The following PIK3C2G variants were observed in gnomAD, a reference collection of about 807,000 sequenced individuals.
The protein encoded by PIK3C2G is phosphatidylinositol 3-kinase C2 domain-containing subunit gamma.
PIK3C2G carries 168 observed loss-of-function variants against 181.1 expected under a neutral mutation model. The observed-to-expected ratio is 0.93, with a 90% CI of 0.82 to 1.05. The LOEUF (loss-of-function observed/expected upper bound fraction) is 1.05. Ranked by LOEUF, PIK3C2G falls within the 50% of genes least tolerant of loss-of-function variation. The pLI is 0.00. For synonymous variants in PIK3C2G, 573 were observed against 592.2 expected, an observed-to-expected ratio of 0.97 and a Z score of 0.47; for missense variants, 1,869 against 1,732.8, an observed-to-expected ratio of 1.08 and a Z score of -1.40.
chr12:18,558,908 T>C (rs1945149868), intron 26 of PIK3C2G, among the ~76,000 whole-genome samples: 1 of 152,340 alleles, frequency 6.6e-6, no homozygotes, highest in African/African-American at 2.4e-5. Flanking sequence ...ATACAAACTC[T>C]AAAAGGGCGA....
rs879572087 is a variant in PIK3C2G at position 18,361,973 on chromosome 12, C to CT, written c.1626-780dup. On this transcript the variant is annotated intron_variant, in intron 11 of 32. Transcript: ENST00000538779. ...TCTGGAACAATAAGAAGCCACCCAA[C>CT]TTTTTTTTTTTGTTCTCAACAGTCT... 9.7e-3 allele frequency among the ~76,000 whole-genome samples: 1,416 copies of CT among 146,540 alleles called. 17 individuals carry two copies. The highest frequency in any genetic ancestry group is 0.033 in the African/African-American group (1,318 of 40,198).
At chr12:18,272,925 C>A (rs936106046) in intron 1 of PIK3C2G, among the ~76,000 whole-genome samples, 1 of 151,932 alleles carries the variant, frequency 6.6e-6, no homozygotes, top group African/African-American at 2.4e-5. Context: ...GAGGAATGCT[C>A]ATTGTACTGA....
intron 31 of PIK3C2G, among the ~76,000 whole-genome samples, chr12:18,629,353 G>A (rs990074711): frequency 1.3e-5 from 2 of 152,160 alleles, no homozygotes; most frequent in Non-Finnish European, 2.9e-5. Flanking sequence ...GTCATCATCA[G>A]CTCCTAGGAG....
At chr12:18,260,028 G>A (rs1236557943), upstream of PIK3C2G, among the ~76,000 whole-genome samples, 1 of 152,048 alleles carries the variant, frequency 6.6e-6, no homozygotes, top group Non-Finnish European at 1.5e-5. Context: ...TATTTTCAAA[G>A]GAAACAAAGT....
At chr12:18,560,428 C>A (rs773482245) in intron 26 of PIK3C2G, among the ~76,000 whole-genome samples, 1 of 151,744 alleles carries the variant, frequency 6.6e-6, no homozygotes, top group Non-Finnish European at 1.5e-5. Flanking sequence ...TGTGAAGGAA[C>A]AACATAGACC....
intron 26 of PIK3C2G, among the ~76,000 whole-genome samples, chr12:18,548,631 C>T (rs1220534099): frequency 2.0e-5 from 3 of 152,006 alleles, no homozygotes; most frequent in Non-Finnish European, 2.9e-5. Flanking sequence ...GGCAGTGAGG[C>T]GGACCTTGTG....
Position 18,371,151 on chromosome 12 carries a change from G to A in PIK3C2G, c.1749-29G>A, listed in dbSNP as rs755510016. 28 of 1,570,896 alleles carry A rather than the reference G, an allele frequency of 1.8e-5. No homozygotes were observed. In the South Asian group the frequency reaches 3.1e-4, roughly 18 times the overall value. ...TTAAAATATCAGTACAATTGGGTAG[G>A]TAATGCTTCTTCTTTCTTTTATTCT... On this transcript the variant is annotated intron_variant, in intron 12 of 32. Coordinates refer to ENST00000538779, the MANE Select transcript of PIK3C2G (RefSeq NM_001288772.2).
At chr12:18,547,100 T>C (rs1388097347) in intron 26 of PIK3C2G, among the ~76,000 whole-genome samples, 1 of 152,062 alleles carries the variant, frequency 6.6e-6, no homozygotes, top group Non-Finnish European at 1.5e-5. Flanking sequence ...ATTCTTTCTT[T>C]CCTGTAACCT....
intron 3 of PIK3C2G, among the ~76,000 whole-genome samples, chr12:18,287,582 G>A (rs532067962): frequency 3.9e-5 from 6 of 152,126 alleles, no homozygotes; most frequent in Admixed American, 2.6e-4. Context: ...TCAGTTGGGC[G>A]CGGTAGCTCA....
chr12:18,717,230 C>A, the PIK3C2G span, among the ~76,000 whole-genome samples: 1 of 151,830 alleles, frequency 6.6e-6, no homozygotes, highest in African/African-American at 2.4e-5. Context: ...TTTATATTTT[C>A]TCTCTTAAAA....
intron 13 of PIK3C2G, among the ~76,000 whole-genome samples, chr12:18,378,402 T>C (rs1942602574): frequency 2.6e-5 from 4 of 152,126 alleles, no homozygotes. Context: ...TTTAGAAATA[T>C]GCAGTCTCTT....
intron 11 of PIK3C2G, among the ~76,000 whole-genome samples, chr12:18,348,940 A>G (rs1939948660): frequency 6.6e-6 from 1 of 152,108 alleles, no homozygotes; most frequent in Admixed American, 6.5e-5. Flanking sequence ...ATCCACTTCT[A>G]AGGTGATATT....
At chr12:18,271,443 A>C (rs1948741414) in intron 1 of PIK3C2G, among the ~76,000 whole-genome samples, 1 of 152,074 alleles carries the variant, frequency 6.6e-6, no homozygotes, top group Non-Finnish European at 1.5e-5. Flanking sequence ...ACAAAATAAG[A>C]GACTGCGTTT....
intron 18 of PIK3C2G, among the ~76,000 whole-genome samples, chr12:18,484,679 G>A (rs1939872346): frequency 6.6e-6 from 1 of 152,110 alleles, no homozygotes; most frequent in Non-Finnish European, 1.5e-5. Context: ...TCTTTGCAAG[G>A]ATTGTATAAC....
chr12:18,586,029 T>G (rs1031531880), intron 29 of PIK3C2G, among the ~76,000 whole-genome samples: 1 of 152,132 alleles, frequency 6.6e-6, no homozygotes, highest in African/African-American at 2.4e-5. Flanking sequence ...TACCAAAATT[T>G]CTGGGACACA....
the PIK3C2G span, among the ~76,000 whole-genome samples, chr12:18,672,736 T>C: frequency 1.3e-5 from 2 of 152,076 alleles, no homozygotes; most frequent in Admixed American, 1.3e-4. Flanking sequence ...AATTGAGGAA[T>C]AGATGCCTTG....
chr12:18,593,589 T>A (rs537693992), intron 29 of PIK3C2G, among the ~76,000 whole-genome samples: 2 of 151,998 alleles, frequency 1.3e-5, no homozygotes, highest in African/African-American at 4.8e-5. Context: ...AATCAATTAT[T>A]CTTTGGTGCC....
intron 5 of PIK3C2G, among the ~76,000 whole-genome samples, 154 bp from the exon 6 acceptor site, chr12:18,313,804 TCACA>T (rs5796752): frequency 0.55 from 81,459 of 149,440 alleles, 22,014 homozygotes; most frequent in East Asian, 0.69. Flanking sequence ...GCATATATAT[TCACA>T]CACACACACA....
intron 18 of PIK3C2G, among the ~76,000 whole-genome samples, chr12:18,434,132 T>C (rs1335316345): frequency 1.3e-5 from 2 of 152,164 alleles, no homozygotes; most frequent in African/African-American, 2.4e-5. Flanking sequence ...GCTTCCGAGA[T>C]TGCACCTTGA....
Sources: gnomAD v4.1 joint callset for allele counts (sites outside exome capture counted in the v4.1 genomes callset) on GRCh38, gnomAD v4.1.1 for gene constraint, MANE v1.5 for transcripts, NCBI Gene and HGNC (gene_info 2026-07-23, HGNC 2026-07-21) for gene names.